VRK2: variants seen among roughly 807,000 people sequenced by gnomAD.
The protein encoded by VRK2 is serine/threonine-protein kinase VRK2.
Under a neutral mutation model 57.6 loss-of-function variants are expected in VRK2, and 60 were observed. The ratio of observed to expected loss-of-function variants is 1.04; its 90% confidence interval spans 0.85 to 1.29. The LOEUF is 1.29. Ranked by LOEUF, VRK2 falls within the 50% of genes most tolerant of loss-of-function variation. The pLI, the probability that VRK2 is intolerant of heterozygous loss-of-function variation, is 0.00. For synonymous variants in VRK2, 231 were observed against 199.2 expected (o/e 1.16, Z -1.35); for missense variants, 705 against 588.1 (o/e 1.20, Z -2.06).
At chr2:58,067,178 G>A (rs185262267) in intron 2 of VRK2, among the ~76,000 whole-genome samples, 12 of 152,202 alleles carry the variant, frequency 7.9e-5, no homozygotes, top group Admixed American at 7.2e-4. Context: ...GGTTTTTCAG[G>A]GGCTCTCGGG....
intron 2 of VRK2, among the ~76,000 whole-genome samples, chr2:58,026,517 TA>T (rs1219424636): frequency 1.9e-4 from 29 of 152,124 alleles, no homozygotes; most frequent in Non-Finnish European, 1.8e-4. Context: ...GTGGAATTCT[TA>T]GATGAAGCGT....
chr2:58,069,435 C>G (rs2103973684), intron 2 of VRK2, among the ~76,000 whole-genome samples: 1 of 152,270 alleles, frequency 6.6e-6, no homozygotes, highest in Non-Finnish European at 1.5e-5. Context: ...AGCTCTCTCC[C>G]TCCATGGTCT....
chr2:57,983,693 T>C (rs1672503888), intron 1 of VRK2, among the ~76,000 whole-genome samples: 1 of 152,174 alleles, frequency 6.6e-6, no homozygotes, highest in Non-Finnish European at 1.5e-5. Context: ...GGAGAGTGTA[T>C]ACAATGCTGC....
intron 1 of VRK2, among the ~76,000 whole-genome samples, chr2:57,963,363 T>C (rs1671817479): frequency 6.6e-6 from 1 of 152,330 alleles, no homozygotes; most frequent in Non-Finnish European, 1.5e-5. Context: ...ATTTAGGCAA[T>C]AGTACTTTTC....
intron 1 of VRK2, among the ~76,000 whole-genome samples, chr2:57,921,215 G>A (rs951961855): frequency 6.6e-6 from 1 of 151,916 alleles, no homozygotes; most frequent in Non-Finnish European, 1.5e-5. Flanking sequence ...CAGTTGTACC[G>A]TGTCAACCTC....
chr2:58,031,604 G>A lies in VRK2; in HGVS notation c.-332-1623G>A, dbSNP rs182328749. Among the ~76,000 whole-genome samples, 4 of 152,180 alleles carry A rather than the reference G, an allele frequency of 2.6e-5. No homozygotes were observed. The East Asian group carries it at 7.7e-4, about 29-fold the overall frequency. On this transcript the variant is annotated intron_variant, in intron 2 of 15. Coordinates refer to the VRK2 transcript ENST00000417641. The stretch of plus-strand genomic sequence containing the variant: ...TTACCACCACCAGTGTCCAGCAGAT[G>A]TAATTTCCCTAATTAATTTACAATC...
At chr2:57,934,466 G>T (rs117485210) in intron 1 of VRK2, among the ~76,000 whole-genome samples, 1 of 152,092 alleles carries the variant, frequency 6.6e-6, no homozygotes, top group Non-Finnish European at 1.5e-5. Context: ...TCCCCAGTAC[G>T]TAACTAGCCT....
At chr2:58,021,983 C>T (rs141281966) in intron 1 of VRK2, among the ~76,000 whole-genome samples, 1 of 152,150 alleles carries the variant, frequency 6.6e-6, no homozygotes, top group Non-Finnish European at 1.5e-5. Context: ...TCAGTCAGAA[C>T]GTTGGTAAAT....
chr2:58,107,940 G>T lies in VRK2; in HGVS notation c.544-15161G>T, dbSNP rs540857551. Among the ~76,000 whole-genome samples the T allele has an allele frequency of 1.1e-3, 171 of 152,168 alleles. 1 individual carries two copies. Among genetic ancestry groups the T allele is most frequent in the African/African-American group, 4.0e-3 (164 of 41,518 alleles). ...TGGCTGCTTGCTACTCAGGATTCTC[G>T]GTTGCGTGAGAAGCAGGAAAGCAGC... On this transcript the variant is annotated intron_variant, in intron 7 of 12. Coordinates refer to ENST00000340157, the MANE Select transcript of VRK2 (RefSeq NM_006296.7).
chr2:57,909,912 G>A (rs1010866623), intron 1 of VRK2, among the ~76,000 whole-genome samples: 1 of 151,992 alleles, frequency 6.6e-6, no homozygotes, highest in African/African-American at 2.4e-5. Flanking sequence ...ATTCTTAGAA[G>A]CTTTGTGAAA....
chr2:57,937,998 A>C (rs1232577148), intron 1 of VRK2, among the ~76,000 whole-genome samples: 2 of 151,774 alleles, frequency 1.3e-5, no homozygotes, highest in Admixed American at 1.3e-4. Context: ...CACCCAGCTA[A>C]TTTTTGTATT....
chr2:58,147,290 A>T (rs968152647), intron 12 of VRK2: 2 of 436,612 alleles, frequency 4.6e-6, no homozygotes, highest in African/African-American at 4.0e-5. Flanking sequence ...CTGCAAGTTT[A>T]TCCAGAGACA....
chr2:58,081,005 A>G (rs995052771), intron 2 of VRK2, among the ~76,000 whole-genome samples: 17 of 151,978 alleles, frequency 1.1e-4, no homozygotes, highest in African/African-American at 4.1e-4. Flanking sequence ...CCATTAAACT[A>G]TGACAGAATA....
chr2:57,975,315 G>A (rs1367469907), intron 1 of VRK2, among the ~76,000 whole-genome samples: 4 of 151,918 alleles, frequency 2.6e-5, no homozygotes, highest in African/African-American at 7.3e-5. Flanking sequence ...CAGACTGACA[G>A]TAAATTTCTT....
intron 1 of VRK2, among the ~76,000 whole-genome samples, chr2:57,949,877 G>T (rs928719783): frequency 6.6e-6 from 1 of 152,186 alleles, no homozygotes; most frequent in Non-Finnish European, 1.5e-5. Flanking sequence ...TGATAAGAAT[G>T]TGAAACAGCC....
chr2:58,101,625 CTCTT>C (rs1193909895), intron 7 of VRK2, among the ~76,000 whole-genome samples: 1 of 151,502 alleles, frequency 6.6e-6, no homozygotes, highest in Non-Finnish European at 1.5e-5. Flanking sequence ...GCCACACTTT[CTCTT>C]TCTATAAATC....
intron 6 of VRK2, 125 bp downstream of exon 6, chr2:58,088,571 G>A: frequency 1.3e-6 from 1 of 769,570 alleles, no homozygotes; most frequent in Non-Finnish European, 2.2e-6. Context: ...TCAGTTATTA[G>A]GAGTAGAGGC....
intron 1 of VRK2, among the ~76,000 whole-genome samples, chr2:57,958,470 T>TAC (rs971956378): frequency 1.5e-4 from 22 of 151,546 alleles, no homozygotes; most frequent in Admixed American, 4.0e-4. Context: ...CATGTATATA[T>TAC]ACACACACAC....
intron 1 of VRK2, among the ~76,000 whole-genome samples, chr2:57,987,991 G>A (rs530355404): frequency 6.6e-6 from 1 of 152,152 alleles, no homozygotes; most frequent in Non-Finnish European, 1.5e-5. Context: ...TGTTACTAGG[G>A]CCTGGGGTTG....
Sources: gnomAD v4.1 joint callset for allele counts (sites outside exome capture counted in the v4.1 genomes callset) on GRCh38, gnomAD v4.1.1 for gene constraint, MANE v1.5 for transcripts, NCBI Gene and HGNC (gene_info 2026-07-23, HGNC 2026-07-21) for gene names.